PCSK6: variants seen among roughly 807,000 people sequenced by gnomAD.
The protein encoded by PCSK6 is paired basic amino acid cleaving enzyme 4.
PCSK6 carries 85 observed loss-of-function variants against 123.3 expected under a neutral mutation model. The ratio of observed to expected loss-of-function variants is 0.69; its 90% CI spans 0.58 to 0.83. The LOEUF is 0.83. Among genes scored for constraint, PCSK6 ranks in the 40% least tolerant of loss-of-function variants. The pLI is 0.00. For missense variants in PCSK6, 1,191 were observed against 1,282.3 expected, an observed-to-expected ratio of 0.93 and a Z score of 1.09; for synonymous variants, 508 against 516.0, an observed-to-expected ratio of 0.98 and a Z score of 0.21.
intron 7 of PCSK6, among the ~76,000 whole-genome samples, chr15:101,396,829 C>CGT (rs962544457): frequency 2.0e-5 from 3 of 152,032 alleles, no homozygotes; most frequent in Non-Finnish European, 4.4e-5. Context: ...TGTGTGCGTG[C>CGT]GTGTGTGTGT....
intron 15 of PCSK6, among the ~76,000 whole-genome samples, chr15:101,327,382 G>A (rs914848520): frequency 1.5e-4 from 23 of 152,166 alleles, no homozygotes; most frequent in African/African-American, 4.8e-4. Context: ...CGCTGCAGGG[G>A]TCCTCCCCAC....
chr15:101,317,159 G>T (rs370191182), intron 19 of PCSK6, among the ~76,000 whole-genome samples: 3 of 152,088 alleles, frequency 2.0e-5, no homozygotes, highest in Non-Finnish European at 4.4e-5. Flanking sequence ...TGATCCACCC[G>T]CCTTGGCCTC....
At chr15:101,325,140 A>G in intron 16 of PCSK6, 94 bp from the exon 17 acceptor site, 4 of 837,106 alleles carry the variant, frequency 4.8e-6, no homozygotes, top group East Asian at 5.3e-5. Flanking sequence ...CGAAGGCTTC[A>G]GGAGTGAATG....
chr15:101,442,733 A>G (rs1404389735), intron 2 of PCSK6, among the ~76,000 whole-genome samples: 1 of 152,180 alleles, frequency 6.6e-6, no homozygotes, highest in African/African-American at 2.4e-5. Flanking sequence ...CTGTGACCTA[A>G]AACTATGATT....
At chr15:101,327,064 G>C (rs538828074) in intron 15 of PCSK6, among the ~76,000 whole-genome samples, 2 of 152,296 alleles carry the variant, frequency 1.3e-5, no homozygotes, top group African/African-American at 4.8e-5. Context: ...GTGGGGCAGG[G>C]ACACAGCTAG....
intron 7 of PCSK6, among the ~76,000 whole-genome samples, chr15:101,394,223 C>G (rs752723909): frequency 5.3e-5 from 8 of 150,628 alleles, no homozygotes; most frequent in Non-Finnish European, 1.0e-4. Flanking sequence ...GATCCTCCTG[C>G]CTTAGCCTTC....
intron 1 of PCSK6, among the ~76,000 whole-genome samples, chr15:101,462,426 A>C (rs1266258053): frequency 6.6e-6 from 1 of 152,254 alleles, no homozygotes; most frequent in Non-Finnish European, 1.5e-5. Flanking sequence ...GAACTTGTCA[A>C]GTTGATTCAA....
chr15:101,310,039 G>A (rs1206802251), intron 20 of PCSK6, among the ~76,000 whole-genome samples: 1 of 152,246 alleles, frequency 6.6e-6, no homozygotes, highest in Non-Finnish European at 1.5e-5. Flanking sequence ...TGGCACAGCA[G>A]CAGCGGACGG....
At chr15:101,432,786 T>C (rs2056489434) in intron 2 of PCSK6, among the ~76,000 whole-genome samples, 1 of 152,148 alleles carries the variant, frequency 6.6e-6, no homozygotes, top group Non-Finnish European at 1.5e-5. Context: ...GGGAAAGCAG[T>C]GAATGAAGAA....
intron 13 of PCSK6, among the ~76,000 whole-genome samples, chr15:101,363,169 C>A (rs915650936): frequency 6.6e-6 from 1 of 152,138 alleles, no homozygotes; most frequent in African/African-American, 2.4e-5. Context: ...GAGAAGAATG[C>A]GTGAGATGCA....
At chr15:101,465,221 C>T (rs1371422252) in intron 1 of PCSK6, among the ~76,000 whole-genome samples, 10 of 152,226 alleles carry the variant, frequency 6.6e-5, no homozygotes, top group South Asian at 2.1e-4. Flanking sequence ...TCCCCAGACT[C>T]GCATGGCCAC....
intron 18 of PCSK6, among the ~76,000 whole-genome samples, chr15:101,320,845 G>A (rs1422053892): frequency 1.3e-5 from 2 of 152,220 alleles, no homozygotes; most frequent in Non-Finnish European, 2.9e-5. Context: ...CTGGCGATGC[G>A]TCTGGAGTTT....
chr15:101,320,731 G>A (rs760291406), intron 18 of PCSK6, among the ~76,000 whole-genome samples: 5 of 152,180 alleles, frequency 3.3e-5, no homozygotes, highest in Non-Finnish European at 7.3e-5. Context: ...GGCCAGAGGC[G>A]GCGGCTCGGC....
chr15:101,417,617 T>C (rs1302800921), intron 6 of PCSK6, among the ~76,000 whole-genome samples: 2 of 152,134 alleles, frequency 1.3e-5, no homozygotes, highest in African/African-American at 4.8e-5. Flanking sequence ...ATAATTAAAC[T>C]AGTAAGAGGT....
At chr15:101,387,836 C>A (rs1413667455) in intron 9 of PCSK6, among the ~76,000 whole-genome samples, 1 of 56,964 alleles carries the variant, frequency 1.8e-5, no homozygotes, top group African/African-American at 4.6e-5. Flanking sequence ...CTATCCCAGG[C>A]TACAGGTCTG....
intron 8 of PCSK6, among the ~76,000 whole-genome samples, chr15:101,390,353 C>T (rs116521928): frequency 7.9e-5 from 4 of 50,690 alleles, no homozygotes; most frequent in African/African-American, 2.9e-4. Flanking sequence ...GTGGGATTGT[C>T]GCCCCATCAT....
intron 1 of PCSK6, among the ~76,000 whole-genome samples, chr15:101,457,417 C>G (rs971498841): frequency 6.6e-6 from 1 of 152,180 alleles, no homozygotes; most frequent in Admixed American, 6.5e-5. Context: ...ATGGAATGCT[C>G]GGCTCACGGC....
intron 9 of PCSK6, among the ~76,000 whole-genome samples, chr15:101,387,398 G>A (rs1269395426): frequency 6.6e-6 from 1 of 152,244 alleles, no homozygotes; most frequent in Non-Finnish European, 1.5e-5. Context: ...GCTACAGCCA[G>A]TCCTCCTGGA....
At chr15:101,394,861 T>C (rs951674727) in intron 7 of PCSK6, among the ~76,000 whole-genome samples, 1 of 152,192 alleles carries the variant, frequency 6.6e-6, no homozygotes, top group Non-Finnish European at 1.5e-5. Flanking sequence ...CCCCGCTGCT[T>C]AAGGCTGCCG....
Sources: gnomAD v4.1 joint callset for allele counts (sites outside exome capture counted in the v4.1 genomes callset) on GRCh38, gnomAD v4.1.1 for gene constraint, MANE v1.5 for transcripts, NCBI Gene and HGNC (gene_info 2026-07-23, HGNC 2026-07-21) for gene names.